Variants in DPYD observed in about 807,000 individuals in gnomAD.
DPYD encodes dihydropyrimidine dehydrogenase [NADP(+)].
In DPYD, 109 loss-of-function variants were observed where a neutral mutation model predicts 116.2. That is an observed-to-expected ratio of 0.94 (90% CI 0.80 to 1.10). The LOEUF (loss-of-function observed/expected upper bound fraction) is 1.10. Among genes scored for constraint, DPYD ranks in the 50% least tolerant of loss-of-function variants. DPYD has a pLI of 0.00. For synonymous variants in DPYD, 440 were observed against 432.0 expected (o/e 1.02, Z -0.23); for missense variants, 1,302 against 1,254.5 (o/e 1.04, Z -0.57).
At chr1:97,296,197 C>T (rs1457007324) in intron 18 of DPYD, 1 of 152,114 alleles carries the variant, frequency 6.6e-6, no homozygotes, top group Non-Finnish European at 1.5e-5. Context: ...ATGATTGATT[C>T]TAATGATTGA....
chr1:97,547,741 T>C (rs1256868851), intron 12 of DPYD, among the ~76,000 whole-genome samples: 2 of 152,090 alleles, frequency 1.3e-5, no homozygotes, highest in Middle Eastern at 3.4e-3. Flanking sequence ...AGTGCAGTGG[T>C]GTGATCATAG....
intron 5 of DPYD, among the ~76,000 whole-genome samples, chr1:97,701,568 A>T (rs1285669655): frequency 6.6e-6 from 1 of 151,804 alleles, no homozygotes; most frequent in Non-Finnish European, 1.5e-5. Flanking sequence ...AATAGATATA[A>T]ATGTAAGTTT....
At chr1:97,766,631 G>A (rs1402901181) in intron 3 of DPYD, among the ~76,000 whole-genome samples, 2 of 152,144 alleles carry the variant, frequency 1.3e-5, no homozygotes, top group Non-Finnish European at 2.9e-5. Context: ...GAAAGGGGAA[G>A]GGTGCTTCTA....
intron 20 of DPYD, among the ~76,000 whole-genome samples, chr1:97,138,154 G>A (rs184099406): frequency 4.1e-4 from 62 of 152,196 alleles, no homozygotes; most frequent in Non-Finnish European, 7.5e-4. Context: ...TGACCTAATG[G>A]TAGATGCTGG....
intron 20 of DPYD, among the ~76,000 whole-genome samples, chr1:97,176,211 G>A (rs901453738): frequency 2.0e-5 from 3 of 152,188 alleles, no homozygotes; most frequent in Admixed American, 6.5e-5. Context: ...AAAGTGGGGG[G>A]AGAGTGGATA....
chr1:97,535,790 A>T (rs1223965195), intron 12 of DPYD, among the ~76,000 whole-genome samples: 1 of 152,082 alleles, frequency 6.6e-6, no homozygotes, highest in East Asian at 1.9e-4. Flanking sequence ...TTTTTCCTTG[A>T]CTTCCTTTTA....
At chr1:97,130,867 C>A (rs1397382576) in intron 20 of DPYD, among the ~76,000 whole-genome samples, 1 of 138,136 alleles carries the variant, frequency 7.2e-6, no homozygotes, top group Non-Finnish European at 1.6e-5. Context: ...TCCTTCCTTC[C>A]TTCCTTCCTT....
intron 12 of DPYD, among the ~76,000 whole-genome samples, chr1:97,538,986 T>G (rs1385517790): frequency 1.3e-5 from 2 of 152,186 alleles, no homozygotes; most frequent in Admixed American, 6.5e-5. Context: ...TACAGCATAT[T>G]TTAATAAGGA....
chr1:97,284,957 C>T (rs1665568538), intron 18 of DPYD, among the ~76,000 whole-genome samples: 1 of 152,102 alleles, frequency 6.6e-6, no homozygotes, highest in South Asian at 2.1e-4. Flanking sequence ...TGTGAATTGC[C>T]CTGCTTTTTC....
intron 1 of DPYD, among the ~76,000 whole-genome samples, chr1:97,889,532 C>A (rs765718686): frequency 6.6e-6 from 1 of 151,936 alleles, no homozygotes; most frequent in African/African-American, 2.4e-5. Context: ...TAAAGAGGAA[C>A]ATTTTATCAT....
At chr1:97,556,250 G>A (rs1481616583) in intron 11 of DPYD, among the ~76,000 whole-genome samples, 1 of 152,010 alleles carries the variant, frequency 6.6e-6, no homozygotes, top group Non-Finnish European at 1.5e-5. Flanking sequence ...CCTGGCTTCT[G>A]TGACATCATA....
At chr1:97,787,476 T>TGAA (rs1667104995) in intron 3 of DPYD, among the ~76,000 whole-genome samples, 1 of 152,126 alleles carries the variant, frequency 6.6e-6, no homozygotes, top group Non-Finnish European at 1.5e-5. Context: ...CTGTAATACG[T>TGAA]GAAGAAGAAG....
intron 14 of DPYD, among the ~76,000 whole-genome samples, chr1:97,398,262 A>C (rs1195852006): frequency 2.6e-5 from 4 of 152,032 alleles, no homozygotes; most frequent in Admixed American, 6.6e-5. Flanking sequence ...CATGTCCCTA[A>C]AAATGACAGG....
intron 14 of DPYD, among the ~76,000 whole-genome samples, chr1:97,423,037 G>A (rs968840297): frequency 6.6e-6 from 1 of 151,918 alleles, no homozygotes; most frequent in Non-Finnish European, 1.5e-5. Flanking sequence ...CGAGAACTAG[G>A]CATGTTTAAA....
In DPYD at chr1:97,630,346, G is replaced by A. The variant is rs184425667; in HGVS notation, c.851-35180C>T. Among the ~76,000 whole-genome samples, 377 of 151,794 alleles carry A rather than the reference G, an allele frequency of 2.5e-3. 3 individuals carry two copies. Among genetic ancestry groups the A allele is most frequent in the Non-Finnish European group, 3.0e-3 (201 of 67,904 alleles). ...GTTTTTACCTCCAAAACTCCTTTAAGTACTTTATGTGCCTCATCATCTCTC... is the reference window on the plus strand; with the variant it reads ...GTTTTTACCTCCAAAACTCCTTTAAATACTTTATGTGCCTCATCATCTCTC... On this transcript the variant is annotated intron_variant, in intron 8 of 22. Transcript: ENST00000370192.
chr1:97,485,096 A>G (rs188964437), intron 13 of DPYD, among the ~76,000 whole-genome samples: 46 of 152,296 alleles, frequency 3.0e-4, no homozygotes, highest in Admixed American at 2.6e-4. Flanking sequence ...AGCTTCCTCA[A>G]TGTATACATT....
chr1:97,557,506 G>T (rs1651833515), intron 11 of DPYD, among the ~76,000 whole-genome samples: 1 of 151,668 alleles, frequency 6.6e-6, no homozygotes, highest in African/African-American at 2.4e-5. Flanking sequence ...AGTAGGGATG[G>T]GGTTTCAGCA....
At chr1:97,105,166 G>C (rs1366180144) in intron 20 of DPYD, among the ~76,000 whole-genome samples, 2 of 152,028 alleles carry the variant, frequency 1.3e-5, no homozygotes, top group Admixed American at 1.3e-4. Context: ...CTCTAGGTTG[G>C]GATTTAGGAA....
At chr1:97,477,714 G>A (rs566089189) in intron 13 of DPYD, among the ~76,000 whole-genome samples, 21 of 149,542 alleles carry the variant, frequency 1.4e-4, no homozygotes, top group South Asian at 1.3e-3. Flanking sequence ...TCTGCTTCCC[G>A]GGTTCACGCC....
Sources: gnomAD v4.1 joint callset for allele counts (sites outside exome capture counted in the v4.1 genomes callset) on GRCh38, gnomAD v4.1.1 for gene constraint, MANE v1.5 for transcripts, NCBI Gene and HGNC (gene_info 2026-07-23, HGNC 2026-07-21) for gene names.